The following TPO variants were observed in gnomAD, a reference collection of about 807,000 sequenced individuals.
The protein encoded by TPO is thyroid peroxidase, also known as thyroid microsomal antigen.
In TPO, 78 loss-of-function variants were observed where a neutral mutation model predicts 96.9. The observed-to-expected ratio is 0.81, with a 90% CI of 0.67 to 0.97. The LOEUF (loss-of-function observed/expected upper bound fraction) is 0.97, where lower values mean the gene tolerates loss of function less well. TPO is among the 50% of genes least tolerant of loss of function. TPO has a pLI of 0.00. For synonymous variants in TPO, 547 were observed against 538.0 expected (o/e 1.02, Z -0.23); for missense variants, 1,252 against 1,274.8 (o/e 0.98, Z 0.27).
At chr2:1,477,765 G>T (rs1347109761) in intron 8 of TPO, 161 bp downstream of exon 8, 1 of 985,300 alleles carries the variant, frequency 1.0e-6, no homozygotes, top group Admixed American at 6.1e-5. Context: ...GTGTGGGTGC[G>T]CAGTCCTGCT....
intron 11 of TPO, among the ~76,000 whole-genome samples, chr2:1,494,639 G>A (rs951020571): frequency 2.0e-5 from 3 of 152,228 alleles, no homozygotes; most frequent in African/African-American, 7.2e-5. Flanking sequence ...ATCTGACTCT[G>A]AGTGCATGCC....
rs770580962 is a variant in TPO, at chr2:1,456,079, C to T, written c.616C>T (p.Arg206Trp). 9.9e-6 allele frequency: 16 copies of T among 1,613,468 alleles called. No individual in the cohort carries two copies. The highest frequency in any genetic ancestry group is 2.2e-5 in the South Asian group (2 of 90,922). The change falls in exon 7 of 17, where the codon CGG (arginine) becomes TGG (tryptophan). Residue 206 changes from arginine (R) to tryptophan (W), a missense_variant. Arg to Trp is a moderately radical substitution (Grantham distance 101). Coordinates refer to ENST00000329066, the MANE Select transcript of TPO (RefSeq NM_001206744.2). ...LYNGFPLPPV[R>W]EVTRHVIQVS... ...CCAATGGTCTCTTCCTACCCAGGTC[C>T]GGGAGGTGACAAGACATGTCATTCA...
chr2:1,388,502 T>C (rs1239907916), intron 1 of TPO, among the ~76,000 whole-genome samples: 1 of 152,168 alleles, frequency 6.6e-6, no homozygotes, highest in Non-Finnish European at 1.5e-5. Context: ...TGTAGGACCC[T>C]CCGAGCCAGG....
intron 3 of TPO, among the ~76,000 whole-genome samples, chr2:1,427,439 G>A (rs1664527533): frequency 6.6e-6 from 1 of 152,206 alleles, no homozygotes; most frequent in South Asian, 2.1e-4. Flanking sequence ...GGGCCACCTG[G>A]CCAGGTGTGG....
At chr2:1,405,336 A>G (rs1022452559) in intron 1 of TPO, among the ~76,000 whole-genome samples, 2 of 150,052 alleles carry the variant, frequency 1.3e-5, no homozygotes, top group African/African-American at 4.9e-5. Context: ...CCATCCATCC[A>G]TTCATCATCC....
chr2:1,535,359 C>A (rs1377753655), intron 15 of TPO, among the ~76,000 whole-genome samples: 1 of 83,420 alleles, frequency 1.2e-5, no homozygotes, highest in African/African-American at 4.3e-5. Flanking sequence ...TCAAATCCCC[C>A]CACTGTGTGC....
At chr2:1,527,772 C>CAT (rs1676930966) in intron 15 of TPO, among the ~76,000 whole-genome samples, 1 of 145,398 alleles carries the variant, frequency 6.9e-6, no homozygotes, top group African/African-American at 2.6e-5. Flanking sequence ...AAATCCCCCC[C>CAT]ACTCTGTGCA....
chr2:1,494,023 C>G lies in TPO; in HGVS notation c.1990C>G (p.Leu664Val), dbSNP rs1202599787. The G allele has an allele frequency of 6.2e-7, 1 of 1,614,136 alleles. No individual in the cohort carries two copies. Among genetic ancestry groups the G allele is most frequent in the Admixed American group, 1.7e-5 (1 of 60,026 alleles). Residue 664 changes from leucine (L) to valine (V), a missense_variant, in exon 11 of 17, where the codon CTG becomes GTG. Leu to Val is a conservative substitution (Grantham distance 32). Transcript: ENST00000329066. Reference sequence around the variant, plus strand: ...TCTCATTGGGAAGCAGATGAAGGCTCTGCGGGACGGTGACTGGTACGTTCC... The same window carrying G: ...TCTCATTGGGAAGCAGATGAAGGCTGTGCGGGACGGTGACTGGTACGTTCC... ...ACLIGKQMKA[L>V]RDGDWFWWEN...
chr2:1,477,141 CTTCGGCCGCCTG>C lies in TPO; in HGVS notation c.876_887del (p.Ser293_Cys296del), dbSNP rs776822157. Reference sequence around the variant, plus strand: ...ACCGCCTGTCTGCCCTTCTACCGCTCTTCGGCCGCCTGCGGCACCGGGGACCAAGGCGCGCTC... The same window carrying C: ...ACCGCCTGTCTGCCCTTCTACCGCTCCGGCACCGGGGACCAAGGCGCGCTC... On this transcript the variant is annotated inframe_deletion, in exon 8 of 17. Transcript: ENST00000329066. 6.2e-7 allele frequency: 1 copy of C among 1,610,318 alleles called. No individual in the cohort carries two copies. Among genetic ancestry groups the C allele is most frequent in the Non-Finnish European group, 8.5e-7 (1 of 1,179,218 alleles).
Position 1,433,484 on chromosome 2 carries a change from T to C in TPO, c.226T>C (p.Phe76Leu), listed in dbSNP as rs1190794049. Residue 76 changes from phenylalanine to leucine, a missense_variant, in exon 4 of 17, where the codon TTT becomes CTT. Coordinates refer to ENST00000329066, the MANE Select transcript of TPO (RefSeq NM_001206744.2). ...CCTTTCTCCAGCTCAGCTTCTGTCT[T>C]TTTCCAAACTTCCTGAGCCAACAAG... ...GILSPAQLLS[F>L]SKLPEPTSGV... 1 of 1,614,196 alleles carries C rather than the reference T, an allele frequency of 6.2e-7. No homozygotes were observed. Among genetic ancestry groups the C allele is most frequent in the Non-Finnish European group, 8.5e-7 (1 of 1,180,046 alleles).
chr2:1,378,714 G>C (rs1661759390), intron 1 of TPO, among the ~76,000 whole-genome samples: 1 of 152,192 alleles, frequency 6.6e-6, no homozygotes, highest in South Asian at 2.1e-4. Flanking sequence ...TGGGAGAAGA[G>C]AGATCTGTGG....
rs148071134 is a variant in TPO, at chr2:1,424,384, G to C, written c.179+1255G>C. Among the ~76,000 whole-genome samples the C allele has an allele frequency of 6.5e-3, 995 of 152,272 alleles. 15 individuals are homozygous for C. Among genetic ancestry groups the C allele is most frequent in the African/African-American group, 0.022 (906 of 41,562 alleles). ...GGTCTGTGTTGATGTTGATGCTGGA[G>C]GGGTAGAAGGAGGTGTGTCTGACCC... On this transcript the variant is annotated intron_variant, in intron 3 of 16. Coordinates refer to ENST00000329066, the MANE Select transcript of TPO (RefSeq NM_001206744.2).
At chr2:1,532,565 C>T (rs1475888247) in intron 15 of TPO, among the ~76,000 whole-genome samples, 2 of 130,482 alleles carry the variant, frequency 1.5e-5, no homozygotes, top group Non-Finnish European at 3.2e-5. Context: ...CTCAAATCCC[C>T]CCAACTGTGT....
At chr2:1,521,885 T>TC (rs1175708876) in intron 15 of TPO, among the ~76,000 whole-genome samples, 1 of 151,600 alleles carries the variant, frequency 6.6e-6, no homozygotes, top group African/African-American at 2.4e-5. Context: ...CCCACCCCAG[T>TC]CCCCCCGTGG....
At chr2:1,383,864 G>C (rs181816752) in intron 1 of TPO, among the ~76,000 whole-genome samples, 62 of 152,256 alleles carry the variant, frequency 4.1e-4, no homozygotes, top group Non-Finnish European at 8.1e-4. Flanking sequence ...TAACATTTAA[G>C]TCTTTAATCC....
Position 1,503,932 on chromosome 2 carries a change from CTTGTGTGTCT to C in TPO, c.2387-15_2387-6del. The C allele has an allele frequency of 1.2e-6, 2 of 1,614,138 alleles. No homozygotes were observed. Among genetic ancestry groups the C allele is most frequent in the Non-Finnish European group, 1.7e-6 (2 of 1,180,036 alleles). ...AGCCGCTTCCTCTCACGTGTGTGGC[CTTGTGTGTCT>C]GGCAGATGTGAACGAGTGTGCAGAC... On this transcript the variant is annotated splice_polypyrimidine_tract_variant and splice_region_variant and intron_variant, in intron 13 of 16. Coordinates refer to ENST00000329066, the MANE Select transcript of TPO (RefSeq NM_001206744.2).
intron 3 of TPO, among the ~76,000 whole-genome samples, chr2:1,425,327 T>G (rs1313921650): frequency 6.6e-6 from 1 of 152,266 alleles, no homozygotes; most frequent in Non-Finnish European, 1.5e-5. Flanking sequence ...TCATTTCATA[T>G]TCTCAGAAGT....
chr2:1,494,333 C>T lies in TPO; in HGVS notation c.2006+294C>T, dbSNP rs1414011425. The stretch of plus-strand genomic sequence containing the variant: ...CTAACTAAACAAATTGTGACACAAT[C>T]GTGACAGCCCGGAGACTGCATCCCA... On this transcript the variant is annotated intron_variant, in intron 11 of 16. Coordinates refer to ENST00000329066, the MANE Select transcript of TPO (RefSeq NM_001206744.2). Among the ~76,000 whole-genome samples the T allele has an allele frequency of 3.3e-5, 5 of 152,384 alleles. No individual in the cohort carries two copies. In the South Asian group the frequency reaches 8.3e-4, roughly 25 times the overall value.
chr2:1,477,712 A>G, intron 8 of TPO, 108 bp downstream of exon 8: 1 of 1,383,196 alleles, frequency 7.2e-7, no homozygotes, highest in Non-Finnish European at 9.4e-7. Context: ...TTGCACAGCC[A>G]TCATGGGCGC....
Sources: allele counts gnomAD v4.1 joint callset (sites outside exome capture counted in the v4.1 genomes callset), GRCh38; gene constraint gnomAD v4.1.1; transcripts MANE v1.5; gene names NCBI Gene and HGNC (gene_info 2026-07-23, HGNC 2026-07-21).